The following NCAM2 variants were observed in gnomAD, a reference collection of about 807,000 sequenced individuals.
The protein encoded by NCAM2 is N-CAM-2.
NCAM2 carries 30 observed loss-of-function variants against 98.1 expected under a neutral mutation model. That is an observed-to-expected ratio of 0.31 (90% CI 0.23 to 0.41). The LOEUF (loss-of-function observed/expected upper bound fraction) is 0.41, where lower values mean the gene tolerates loss of function less well. Ranked by LOEUF, NCAM2 falls within the 10% of genes least tolerant of loss-of-function variation. The pLI is 1.00. For missense variants in NCAM2, 867 were observed against 1,005.8 expected, an observed-to-expected ratio of 0.86 and a Z score of 1.87; for synonymous variants, 368 against 342.4, an observed-to-expected ratio of 1.07 and a Z score of -0.83.
At chr21:21,002,495 TG>T (rs1459180778) in intron 1 of NCAM2, among the ~76,000 whole-genome samples, 1 of 152,174 alleles carries the variant, frequency 6.6e-6, no homozygotes, top group Non-Finnish European at 1.5e-5. Flanking sequence ...GTAACCAAGC[TG>T]AACAGTGTAA....
At chr21:21,030,968 A>G (rs1039010533) in intron 1 of NCAM2, among the ~76,000 whole-genome samples, 2 of 152,228 alleles carry the variant, frequency 1.3e-5, no homozygotes, top group African/African-American at 4.8e-5. Context: ...GATAATGACA[A>G]GGGCTCAGGT....
At chr21:21,181,939 T>A (rs1017742687) in intron 1 of NCAM2, among the ~76,000 whole-genome samples, 3 of 151,176 alleles carry the variant, frequency 2.0e-5, no homozygotes, top group African/African-American at 7.3e-5. Flanking sequence ...ATGCCTATAA[T>A]CCCAGCAATT....
chr21:21,170,205 C>T (rs1022571081), intron 1 of NCAM2, among the ~76,000 whole-genome samples: 2 of 152,106 alleles, frequency 1.3e-5, no homozygotes, highest in Admixed American at 1.3e-4. Context: ...GACTTTCTTA[C>T]AAAACTAAGC....
At chr21:21,422,040 A>G (rs1454241687) in intron 11 of NCAM2, among the ~76,000 whole-genome samples, 1 of 152,062 alleles carries the variant, frequency 6.6e-6, no homozygotes, top group Non-Finnish European at 1.5e-5. Flanking sequence ...GAAGCCTGGC[A>G]TGGGATGTGA....
intron 1 of NCAM2, among the ~76,000 whole-genome samples, chr21:21,029,501 A>G (rs115103581): frequency 2.0e-5 from 3 of 152,060 alleles, no homozygotes; most frequent in African/African-American, 7.3e-5. Flanking sequence ...GAGCAGGAGA[A>G]CTTAGGACAG....
In NCAM2 at chr21:21,309,165, T is replaced by C. The variant is rs548503743; in HGVS notation, c.620-15218T>C. On this transcript the variant is annotated intron_variant, in intron 5 of 17. Coordinates refer to ENST00000400546, the MANE Select transcript of NCAM2 (RefSeq NM_004540.5). Reference sequence around the variant, plus strand: ...CATCTGTTATTCCTGGGTTAGTTTTTGGCCAATTATATTTTATCCTCATTA... The same window carrying C: ...CATCTGTTATTCCTGGGTTAGTTTTCGGCCAATTATATTTTATCCTCATTA... 2.0e-5 allele frequency among the ~76,000 whole-genome samples: 3 copies of C among 152,336 alleles called. No homozygotes were observed. The South Asian group carries it at 6.2e-4, about 32-fold the overall frequency.
chr21:21,147,744 C>A (rs2067325822), intron 1 of NCAM2, among the ~76,000 whole-genome samples: 1 of 147,518 alleles, frequency 6.8e-6, no homozygotes, highest in Admixed American at 6.8e-5. Flanking sequence ...AATATAAAAG[C>A]GTACATGTTT....
chr21:21,424,181 T>C (rs1017726118), intron 11 of NCAM2, among the ~76,000 whole-genome samples: 1 of 152,230 alleles, frequency 6.6e-6, no homozygotes, highest in Non-Finnish European at 1.5e-5. Context: ...CATAATATAT[T>C]CTTGGTTTTC....
intron 15 of NCAM2, among the ~76,000 whole-genome samples, chr21:21,498,877 G>A (rs1159004773): frequency 1.3e-5 from 2 of 152,016 alleles, no homozygotes; most frequent in African/African-American, 2.4e-5. Context: ...GTACTAGGGG[G>A]CAAAATGAAT....
chr21:21,123,324 G>A (rs936184086), intron 1 of NCAM2, among the ~76,000 whole-genome samples: 3 of 151,894 alleles, frequency 2.0e-5, no homozygotes, highest in Non-Finnish European at 4.4e-5. Context: ...AACCCGGGGG[G>A]AGGCGGAGCT....
chr21:21,334,892 T>C (rs567254192), intron 6 of NCAM2, among the ~76,000 whole-genome samples: 21 of 152,068 alleles, frequency 1.4e-4, no homozygotes, highest in Non-Finnish European at 2.8e-4. Flanking sequence ...TATTTGGGAC[T>C]AAGAGGAAAC....
intron 3 of NCAM2, among the ~76,000 whole-genome samples, chr21:21,284,968 T>A (rs573259404): frequency 6.6e-6 from 1 of 151,892 alleles, no homozygotes; most frequent in Non-Finnish European, 1.5e-5. Context: ...CTCCTCCTTA[T>A]ATTTAAGAAC....
At chr21:21,125,780 C>A (rs2066808328) in intron 1 of NCAM2, among the ~76,000 whole-genome samples, 1 of 146,792 alleles carries the variant, frequency 6.8e-6, no homozygotes, top group African/African-American at 2.5e-5. Flanking sequence ...TTCAAACAAA[C>A]CTACTTTTCA....
chr21:21,203,633 A>G (rs1055225873), intron 1 of NCAM2, among the ~76,000 whole-genome samples: 1 of 152,194 alleles, frequency 6.6e-6, no homozygotes, highest in Admixed American at 6.5e-5. Flanking sequence ...CTATATGCTC[A>G]ATCAAGAGTT....
At chr21:21,325,343 GACA>G (rs985952963) in intron 6 of NCAM2, among the ~76,000 whole-genome samples, 2 of 152,108 alleles carry the variant, frequency 1.3e-5, no homozygotes, top group African/African-American at 2.4e-5. Context: ...TTCTTTGAAG[GACA>G]ACAATTGAAA....
Position 21,233,070 on chromosome 21 carries a change from A to G in NCAM2, c.56-47508A>G, listed in dbSNP as rs1277158985. The stretch of plus-strand genomic sequence containing the variant: ...TTAAAAAAATTCTGTTATGTTTGAG[A>G]GGTAGTTTTGGGTTTTTTTCTGTGA... On this transcript the variant is annotated intron_variant, in intron 1 of 17. Coordinates refer to ENST00000400546, the MANE Select transcript of NCAM2 (RefSeq NM_004540.5). 2.0e-5 allele frequency among the ~76,000 whole-genome samples: 3 copies of G among 151,356 alleles called. No homozygotes were observed. The Admixed American group carries it at 2.0e-4, about 10-fold the overall frequency.
At chr21:21,020,228 G>A (rs1427105781) in intron 1 of NCAM2, among the ~76,000 whole-genome samples, 1 of 151,942 alleles carries the variant, frequency 6.6e-6, no homozygotes, top group East Asian at 1.9e-4. Context: ...AAGAGATGGG[G>A]TTTCACCGTG....
intron 1 of NCAM2, among the ~76,000 whole-genome samples, chr21:21,214,674 A>G (rs1878085757): frequency 7.0e-6 from 1 of 143,832 alleles, no homozygotes; most frequent in East Asian, 2.0e-4. Flanking sequence ...TGTTTTGACT[A>G]TGTGCTAGAC....
intron 1 of NCAM2, among the ~76,000 whole-genome samples, chr21:21,169,181 C>A (rs2068044214): frequency 6.6e-6 from 1 of 152,186 alleles, no homozygotes; most frequent in Admixed American, 6.5e-5. Flanking sequence ...AGGTAATATA[C>A]TGGAACAAAT....
Sources: gnomAD v4.1 joint callset for allele counts (sites outside exome capture counted in the v4.1 genomes callset) on GRCh38, gnomAD v4.1.1 for gene constraint, MANE v1.5 for transcripts, NCBI Gene and HGNC (gene_info 2026-07-23, HGNC 2026-07-21) for gene names.